Variants in FGF10 observed in about 807,000 individuals in gnomAD.
The protein encoded by FGF10 is fibroblast growth factor 10.
A neutral mutation model predicts 19.8 loss-of-function variants in FGF10; 2 were observed. The observed-to-expected ratio is 0.10, with a 90% CI of 0.04 to 0.32. The LOEUF is 0.32. Among genes scored for constraint, FGF10 ranks in the 10% least tolerant of loss-of-function variants. The pLI is 1.00. For missense variants in FGF10, 191 were observed against 246.3 expected (o/e 0.78, Z 1.50); for synonymous variants, 112 against 94.0 (o/e 1.19, Z -1.10).
At chr5:44,331,390 T>G (rs1295366931) in intron 1 of FGF10, among the ~76,000 whole-genome samples, 1 of 152,120 alleles carries the variant, frequency 6.6e-6, no homozygotes, top group Non-Finnish European at 1.5e-5. Context: ...TTCATGTGAT[T>G]TTAGGCTTTA....
Position 44,388,475 on chromosome 5 carries a change from A to T in FGF10, c.208T>A (p.Tyr70Asn). The part of the protein sequence containing the change: ...PSSAGRHVRS[Y>N]NHLQGDVRWR... ...CGGACATCTCCTTGAAGGTGATTGT[A>T]GCTCCGCACATGCCTTCCCGCGCTG... The change falls in exon 1 of 3, where the codon TAC (tyrosine) becomes AAC (asparagine). Residue 70 changes from tyrosine (Y) to asparagine (N), a missense_variant. Tyr to Asn is a moderately radical substitution (Grantham distance 143). Coordinates refer to ENST00000264664, the MANE Select transcript of FGF10 (RefSeq NM_004465.2). The T allele has an allele frequency of 6.2e-7, 1 of 1,614,124 alleles. No individual in the cohort carries two copies. Among genetic ancestry groups the T allele is most frequent in the Non-Finnish European group, 8.5e-7 (1 of 1,180,026 alleles).
At position 44,321,123 on chromosome 5, in the gene FGF10, C is replaced by T. The variant is rs149267563; in HGVS notation, c.326-10593G>A. 1.3e-3 allele frequency among the ~76,000 whole-genome samples: 195 copies of T among 152,268 alleles called. 2 individuals carry two copies. The highest frequency in any genetic ancestry group is 4.6e-3 in the African/African-American group (190 of 41,550). On this transcript the variant is annotated intron_variant, in intron 1 of 2. Coordinates refer to ENST00000264664, the MANE Select transcript of FGF10 (RefSeq NM_004465.2). ...TAACCACATTGCTACAGCTAAGAGACCCTTTACTATTGGTGAAGAGTTGAT... is the reference window on the plus strand; with the variant it reads ...TAACCACATTGCTACAGCTAAGAGATCCTTTACTATTGGTGAAGAGTTGAT...
At chr5:44,324,846 A>G (rs574299970) in intron 1 of FGF10, among the ~76,000 whole-genome samples, 85 of 152,190 alleles carry the variant, frequency 5.6e-4, no homozygotes, top group Non-Finnish European at 9.8e-4. Flanking sequence ...GTAAACATCT[A>G]TAAGGAATAA....
chr5:44,375,393 G>A (rs547418960), intron 1 of FGF10, among the ~76,000 whole-genome samples: 1 of 152,258 alleles, frequency 6.6e-6, no homozygotes, highest in South Asian at 2.1e-4. Context: ...AAGAAGAAGA[G>A]CTGGGAAAGA....
rs555001164 is a variant in FGF10, at chr5:44,351,631, C to T, written c.325+36727G>A. On this transcript the variant is annotated intron_variant, in intron 1 of 2. Coordinates refer to ENST00000264664, the MANE Select transcript of FGF10 (RefSeq NM_004465.2). ...TCAATGCTTTCCAAGTCAGTCCCAT[C>T]GTTGGAATCTTATCTGTAAGGAAGA... Among the ~76,000 whole-genome samples, 21 of 151,764 alleles carry T rather than the reference C, an allele frequency of 1.4e-4. No homozygotes were observed. In the East Asian group the frequency reaches 3.3e-3, roughly 24 times the overall value.
intron 1 of FGF10, among the ~76,000 whole-genome samples, chr5:44,359,094 C>T (rs773888051): frequency 2.6e-5 from 4 of 151,414 alleles, no homozygotes; most frequent in Non-Finnish European, 4.4e-5. Context: ...CCAATGAGAG[C>T]CTCCTAACAA....
chr5:44,377,676 A>T (rs954687435), intron 1 of FGF10, among the ~76,000 whole-genome samples: 6 of 152,154 alleles, frequency 3.9e-5, no homozygotes, highest in Non-Finnish European at 7.3e-5. Flanking sequence ...ATACAGGTTG[A>T]GTATCCTTTA....
intron 1 of FGF10, among the ~76,000 whole-genome samples, chr5:44,353,128 G>A (rs572278131): frequency 6.6e-6 from 1 of 151,658 alleles, no homozygotes; most frequent in African/African-American, 2.4e-5. Context: ...AGATTATGCA[G>A]GTAAATTTCC....
At chr5:44,349,433 T>TC (rs1352608185) in intron 1 of FGF10, among the ~76,000 whole-genome samples, 1 of 22,714 alleles carries the variant, frequency 4.4e-5, no homozygotes. Flanking sequence ...TATATATATA[T>TC]ATATATATAT....
At chr5:44,367,843 GTT>G (rs5867664) in intron 1 of FGF10, among the ~76,000 whole-genome samples, 10,839 of 145,394 alleles carry the variant, frequency 0.075, 505 homozygotes, top group Middle Eastern at 0.12. Flanking sequence ...TTTGTATGCT[GTT>G]TTTTTTTTTT....
intron 1 of FGF10, among the ~76,000 whole-genome samples, chr5:44,339,689 T>C (rs572391767): frequency 6.6e-6 from 1 of 152,276 alleles, no homozygotes. Flanking sequence ...CCTCTGGCCA[T>C]TTGACCCCTA....
intron 1 of FGF10, among the ~76,000 whole-genome samples, chr5:44,350,692 C>A (rs1839092): frequency 0.98 from 148,344 of 151,078 alleles, 72,898 homozygotes; most frequent in East Asian, 1. Flanking sequence ...AATGATGTAT[C>A]AAATTTTTTT....
At chr5:44,376,054 CA>C (rs2111898893) in intron 1 of FGF10, among the ~76,000 whole-genome samples, 1 of 152,140 alleles carries the variant, frequency 6.6e-6, no homozygotes, top group South Asian at 2.1e-4. Context: ...AGTAACAACA[CA>C]AGCAGTCATG....
intron 1 of FGF10, among the ~76,000 whole-genome samples, chr5:44,385,061 T>A (rs1264118339): frequency 6.6e-6 from 1 of 152,026 alleles, no homozygotes; most frequent in Non-Finnish European, 1.5e-5. Context: ...AGTGGTAAGG[T>A]TTCAAGGGCA....
intron 1 of FGF10, among the ~76,000 whole-genome samples, chr5:44,332,465 G>A (rs1258357731): frequency 6.6e-6 from 1 of 152,030 alleles, no homozygotes; most frequent in Non-Finnish European, 1.5e-5. Context: ...TCCTTTAAAG[G>A]AACCAAGCAT....
At chr5:44,351,835 C>G (rs994511561) in intron 1 of FGF10, among the ~76,000 whole-genome samples, 2 of 151,564 alleles carry the variant, frequency 1.3e-5, no homozygotes, top group African/African-American at 4.8e-5. Context: ...CAGTTACATT[C>G]CTTTTTTAAA....
intron 1 of FGF10, among the ~76,000 whole-genome samples, chr5:44,356,138 C>CA (rs1308708210): frequency 1.3e-5 from 2 of 151,360 alleles, no homozygotes; most frequent in African/African-American, 2.4e-5. Flanking sequence ...ATTTGAGAAT[C>CA]AAAATCAATT....
chr5:44,341,973 T>C (rs1455631312), intron 1 of FGF10, among the ~76,000 whole-genome samples: 1 of 152,012 alleles, frequency 6.6e-6, no homozygotes, highest in Non-Finnish European at 1.5e-5. Flanking sequence ...CATTTGGTGA[T>C]GATTGAAGGT....
intron 1 of FGF10, among the ~76,000 whole-genome samples, chr5:44,342,080 T>A (rs1232837291): frequency 6.6e-6 from 1 of 151,960 alleles, no homozygotes; most frequent in East Asian, 1.9e-4. Context: ...ATTTGTGAAT[T>A]TAAAACTATC....
Sources: gnomAD v4.1 joint callset for allele counts (sites outside exome capture counted in the v4.1 genomes callset) on GRCh38, gnomAD v4.1.1 for gene constraint, MANE v1.5 for transcripts, NCBI Gene and HGNC (gene_info 2026-07-23, HGNC 2026-07-21) for gene names.